Variants in MMP24 observed in about 807,000 individuals in gnomAD.
The protein encoded by MMP24 is matrix metalloproteinase-24.
In MMP24, 25 loss-of-function variants were observed where a neutral mutation model predicts 62.8. The observed-to-expected ratio is 0.40, with a 90% CI of 0.29 to 0.56. MMP24 has a LOEUF of 0.56. Among genes scored for constraint, MMP24 ranks in the 20% least tolerant of loss-of-function variants. MMP24 has a pLI of 0.50. For synonymous variants in MMP24, 319 were observed against 350.5 expected, an observed-to-expected ratio of 0.91 and a Z score of 1.00; for missense variants, 634 against 853.6, an observed-to-expected ratio of 0.74 and a Z score of 3.21.
In MMP24 at chr20:35,276,681, A is replaced by G. The variant is rs7280; in HGVS notation, c.*2072A>G. The G allele has an allele frequency of 0.55, 90,216 of 165,042 alleles. 28,032 individuals are homozygous for G. The highest frequency in any genetic ancestry group is 0.87 in the African/African-American group (36,683 of 42,152). 10.2% of individuals were successfully genotyped at this position (165,042 alleles called of 1,614,324 possible). A position where few individuals can be genotyped will look rare whatever the true frequency, so the allele number is the denominator to read the frequency against. On this transcript the variant is annotated 3_prime_UTR_variant, in exon 9 of 9. Coordinates refer to ENST00000246186, the MANE Select transcript of MMP24 (RefSeq NM_006690.4). ...ACCCCCGCCTCCCGCCAGGCTCCCCATTGGCTCCTGGCAGGCCAGCTGAGA... is the reference window on the plus strand; with the variant it reads ...ACCCCCGCCTCCCGCCAGGCTCCCCGTTGGCTCCTGGCAGGCCAGCTGAGA...
Position 35,254,769 on chromosome 20 carries a change from G to A in MMP24, c.817+15G>A, listed in dbSNP as rs763698847. 1.3e-6 allele frequency: 2 copies of A among 1,599,756 alleles called. No homozygotes were observed. The highest frequency in any genetic ancestry group is 1.7e-5 in the Admixed American group (1 of 59,204). ...CAACCATGACGGTAAGGCCATGAGG[G>A]GACAGGGGTCAGTCTTGGGCTGCTC... On this transcript the variant is annotated intron_variant, in intron 4 of 8. Coordinates refer to ENST00000246186, the MANE Select transcript of MMP24 (RefSeq NM_006690.4).
intron 5 of MMP24, among the ~76,000 whole-genome samples, chr20:35,266,351 C>CAAA (rs3055615): frequency 8.8e-5 from 5 of 56,586 alleles, no homozygotes; most frequent in African/African-American, 1.3e-4. Flanking sequence ...GACTCCTTCT[C>CAAA]AAAAAAAAAA....
At position 35,251,951 on chromosome 20, in the gene MMP24, A is replaced by G. The variant is rs1255630509; in HGVS notation, c.442A>G (p.Ser148Gly). The change falls in exon 3 of 9, where the codon AGC (serine) becomes GGC (glycine). Residue 148 changes from serine to glycine, a missense_variant. Coordinates refer to ENST00000246186, the MANE Select transcript of MMP24 (RefSeq NM_006690.4). ...TGGTGTCCCTGATCACCCCCACTTA[A>G]GCCGTAGGCGGAGAAACAAGCGCTA... ...RCGVPDHPHL[S>G]RRRRNKRYAL... is the part of the protein sequence containing the mutation. The G allele has an allele frequency of 6.2e-7, 1 of 1,614,018 alleles. No homozygotes were observed. Among genetic ancestry groups the G allele is most frequent in the Admixed American group, 1.7e-5 (1 of 60,020 alleles).
At chr20:35,232,361 TC>T (rs1393663658) in intron 1 of MMP24, among the ~76,000 whole-genome samples, 1 of 152,218 alleles carries the variant, frequency 6.6e-6, no homozygotes, top group Admixed American at 6.5e-5. Context: ...CATGATACAT[TC>T]TGGACATGTG....
rs1600813077 is a variant in MMP24 at position 35,276,241 on chromosome 20, T to G, written c.*1632T>G. On this transcript the variant is annotated 3_prime_UTR_variant, in exon 9 of 9. Transcript: ENST00000246186. Reference sequence around the variant, plus strand: ...CCCAGAGGTGCCCATGTGGGTCCGCTGTGTCCCCTGTCATCATCCTTGTTT... The same window carrying G: ...CCCAGAGGTGCCCATGTGGGTCCGCGGTGTCCCCTGTCATCATCCTTGTTT... 2.5e-6 allele frequency: 1 copy of G among 399,060 alleles called. No homozygotes were observed. Among genetic ancestry groups the G allele is most frequent in the East Asian group, 3.6e-5 (1 of 28,082 alleles). 24.7% of individuals were successfully genotyped at this position (399,060 alleles called of 1,614,324 possible).
chr20:35,248,048 A>C (rs1238634580), intron 2 of MMP24, among the ~76,000 whole-genome samples: 1 of 152,202 alleles, frequency 6.6e-6, no homozygotes, highest in Non-Finnish European at 1.5e-5. Flanking sequence ...ACATCATTAA[A>C]GCATGGAAAA....
intron 3 of MMP24, among the ~76,000 whole-genome samples, chr20:35,253,934 A>G (rs2146219182): frequency 6.8e-6 from 1 of 147,836 alleles, no homozygotes; most frequent in African/African-American, 2.6e-5. Flanking sequence ...CAGTGGTGCA[A>G]TCTTGGCTCA....
At position 35,226,906 on chromosome 20, in the gene MMP24, G is replaced by A. The variant is rs1436946076; in HGVS notation, c.168G>A (p.Ala56=). 2.0e-6 allele frequency: 2 copies of A among 980,932 alleles called. No homozygotes were observed. Among genetic ancestry groups the A allele is most frequent in the Non-Finnish European group, 1.2e-6 (1 of 828,704 alleles). The allele number at this position is 980,932 out of a possible 1,614,324, so 60.8% of individuals were successfully genotyped here. The change falls in exon 1 of 9, where the codon GCG becomes GCA. Residue 56 remains alanine, a synonymous_variant. Coordinates refer to ENST00000246186, the MANE Select transcript of MMP24 (RefSeq NM_006690.4). ...GCGCCGCGCGGGCGGCGGCGGCGGC[G>A]GCGGGGGCAGGGAACCGGGCAGCGG... ...LPGAARAAAA[A]AGAGNRAAVA... is the part of the protein sequence containing the mutation.
At chr20:35,246,814 A>G in intron 1 of MMP24, 26 bp from the exon 2 acceptor site, 5 of 1,612,764 alleles carry the variant, frequency 3.1e-6, no homozygotes, top group Non-Finnish European at 4.2e-6. Flanking sequence ...AGCATAACGC[A>G]TCTTTTTCTT....
Position 35,274,535 on chromosome 20 carries a change from A to C in MMP24, c.1864A>C (p.Ile622Leu). ...CTGCATCCTGGTGCTGGTCTACACCATCTTCCAGTTCAAGAACAAGACAGG... is the reference window on the plus strand; with the variant it reads ...CTGCATCCTGGTGCTGGTCTACACCCTCTTCCAGTTCAAGAACAAGACAGG... Reference protein sequence around the residue: ...SLCILVLVYTIFQFKNKTGPQ... With the variant: ...SLCILVLVYTLFQFKNKTGPQ... Residue 622 changes from isoleucine (I) to leucine (L), a missense_variant, in exon 9 of 9, where the codon ATC becomes CTC. Physicochemically the swap from Ile to Leu is conservative, Grantham distance 5 (BLOSUM62 2). Transcript: ENST00000246186. The surrounding 1 kb of genome is among the most constrained non-coding windows in gnomAD (Gnocchi z 5.1). 1 of 1,613,990 alleles carries C rather than the reference A, an allele frequency of 6.2e-7. No homozygotes were observed. Among genetic ancestry groups the C allele is most frequent in the South Asian group, 1.1e-5 (1 of 91,086 alleles).
At chr20:35,263,621 CAG>C in intron 4 of MMP24, 168 bp from the exon 5 acceptor site, 1 of 508,826 alleles carries the variant, frequency 2.0e-6, no homozygotes, top group Non-Finnish European at 3.4e-6. Context: ...CCCTGCTCTG[CAG>C]AGAGGCTTGG....
intron 2 of MMP24, among the ~76,000 whole-genome samples, chr20:35,249,679 C>G (rs1040578535): frequency 4.0e-5 from 6 of 151,892 alleles, no homozygotes; most frequent in Admixed American, 3.3e-4. Flanking sequence ...AGCTCCACCT[C>G]CTGGGTTCAA....
At position 35,226,693 on chromosome 20, in the gene MMP24, G is replaced by T; in HGVS notation, c.-46G>T. On this transcript the variant is annotated 5_prime_UTR_variant, in exon 1 of 9. Transcript: ENST00000246186. The stretch of plus-strand genomic sequence containing the variant: ...GCGCGCTGGCGGCCGAGGCGGCGGC[G>T]GCGGCGGCGAAGGCAGGCGGGCCGG... 2.0e-4 allele frequency: 2 copies of T among 9,860 alleles called. No individual in the cohort carries two copies. The highest frequency in any genetic ancestry group is 1.3e-3 in the South Asian group (1 of 782). The allele number at this position is 9,860 out of a possible 1,614,324, so 0.6% of individuals were successfully genotyped here. A position where few individuals can be genotyped will look rare whatever the true frequency, so the allele number is the denominator to read the frequency against.
chr20:35,271,972 A>T lies in MMP24; in HGVS notation c.1600+137A>T. 1.1e-6 allele frequency: 1 copy of T among 943,960 alleles called. No homozygotes were observed. Among genetic ancestry groups the T allele is most frequent in the Non-Finnish European group, 1.5e-6 (1 of 651,544 alleles). The allele number at this position is 943,960 out of a possible 1,614,324, so 58.5% of individuals were successfully genotyped here. ...GGTGGCAGACAACTGCCTCATATCT[A>T]CCCATGTTCACGTGGTCCATTAATT... On this transcript the variant is annotated intron_variant, in intron 8 of 8. Transcript: ENST00000246186. The surrounding 1 kb of genome is among the most constrained non-coding windows in gnomAD (Gnocchi z 4.0).
chr20:35,265,657 T>C (rs562406633), intron 5 of MMP24, among the ~76,000 whole-genome samples: 2 of 152,090 alleles, frequency 1.3e-5, no homozygotes, highest in South Asian at 2.1e-4. Context: ...GGTGGGAGGA[T>C]TGCTTGAGGC....
intron 3 of MMP24, among the ~76,000 whole-genome samples, chr20:35,253,872 T>G (rs1036907893): frequency 1.3e-5 from 2 of 150,132 alleles, no homozygotes; most frequent in East Asian, 3.9e-4. Flanking sequence ...CTTTGGGTTT[T>G]TTTTTTTTTT....
rs759570742 is a variant in MMP24, at chr20:35,249,628, G to A, written c.396-2277G>A. 1.1e-4 allele frequency among the ~76,000 whole-genome samples: 17 copies of A among 150,558 alleles called. 1 individual carries two copies. Among genetic ancestry groups the A allele is most frequent in the Non-Finnish European group, 1.9e-4 (13 of 67,766 alleles). On this transcript the variant is annotated intron_variant, in intron 2 of 8. Coordinates refer to ENST00000246186, the MANE Select transcript of MMP24 (RefSeq NM_006690.4). ...TTTTGAGACGGAGTCTCGCTCTGTCGCCCAGGTTGGAGTGCAGTGGCGGGA... is the reference window on the plus strand; with the variant it reads ...TTTTGAGACGGAGTCTCGCTCTGTCACCCAGGTTGGAGTGCAGTGGCGGGA...
At position 35,267,278 on chromosome 20, in the gene MMP24, G is replaced by A. The variant is rs200666312; in HGVS notation, c.1053G>A (p.Ser351=). 651 of 1,605,574 alleles carry A rather than the reference G, an allele frequency of 4.1e-4. No homozygotes were observed. Among genetic ancestry groups the A allele is most frequent in the African/African-American group, 9.0e-4 (67 of 74,802 alleles). ...TLPVRRIHSP[S]ERKHERQPRP... is the part of the protein sequence containing the mutation. Reference sequence around the variant, plus strand: ...CCGTCCGCAGGATCCACTCACCATCGGAGAGGAAACACGAGCGCCAGCCCA... The same window carrying A: ...CCGTCCGCAGGATCCACTCACCATCAGAGAGGAAACACGAGCGCCAGCCCA... Residue 351 remains serine (S), a synonymous_variant, in exon 6 of 9, where the codon TCG becomes TCA. Coordinates refer to ENST00000246186, the MANE Select transcript of MMP24 (RefSeq NM_006690.4).
intron 5 of MMP24, among the ~76,000 whole-genome samples, chr20:35,266,515 G>A (rs1174568342): frequency 3.3e-5 from 5 of 152,026 alleles, no homozygotes; most frequent in Admixed American, 1.3e-4. Flanking sequence ...CCAAGGGCAC[G>A]CCAGCCTCTA....
Sources: gnomAD v4.1 joint callset for allele counts (sites outside exome capture counted in the v4.1 genomes callset) on GRCh38, gnomAD v4.1.1 for gene constraint, Gnocchi (gnomAD v3.1) non-coding constraint, MANE v1.5 for transcripts, NCBI Gene and HGNC (gene_info 2026-07-23, HGNC 2026-07-21) for gene names.